Variants in HDAC9 observed in about 807,000 individuals in gnomAD.
The protein encoded by HDAC9 is MEF-2 interacting transcription repressor (MITR) protein.
In HDAC9, 41 loss-of-function variants were observed where a neutral mutation model predicts 139.4. The observed-to-expected ratio is 0.29, with a 90% CI of 0.23 to 0.38. HDAC9 has a LOEUF of 0.38. Ranked by LOEUF, HDAC9 falls within the 10% of genes least tolerant of loss-of-function variation. The pLI is 1.00. For missense variants in HDAC9, 1,147 were observed against 1,297.0 expected, an observed-to-expected ratio of 0.88 and a Z score of 1.78; for synonymous variants, 517 against 476.2, an observed-to-expected ratio of 1.09 and a Z score of -1.12.
intron 2 of HDAC9, among the ~76,000 whole-genome samples, chr7:18,201,408 A>G (rs1279701879): frequency 6.6e-6 from 1 of 152,216 alleles, no homozygotes; most frequent in Non-Finnish European, 1.5e-5. Context: ...AAACAGTGTT[A>G]AATTTTAGAA....
chr7:18,314,824 GCTGT>G (rs1799532106), intron 1 of HDAC9, among the ~76,000 whole-genome samples: 1 of 152,146 alleles, frequency 6.6e-6, no homozygotes, highest in Non-Finnish European at 1.5e-5. Flanking sequence ...TAACTTTGTG[GCTGT>G]CTTTTAAATA....
chr7:18,460,564 A>G (rs1323923929), intron 1 of HDAC9, among the ~76,000 whole-genome samples: 1 of 151,924 alleles, frequency 6.6e-6, no homozygotes, highest in East Asian at 1.9e-4. Context: ...GCGGGTGGAT[A>G]ACCTGAGGTT....
At chr7:18,452,585 C>T (rs889708969) in intron 1 of HDAC9, among the ~76,000 whole-genome samples, 1 of 152,054 alleles carries the variant, frequency 6.6e-6, no homozygotes, top group African/African-American at 2.4e-5. Flanking sequence ...GTGTCCTCAC[C>T]CAAATCTTAC....
chr7:18,185,714 A>T (rs1584521928), intron 2 of HDAC9, among the ~76,000 whole-genome samples: 1 of 152,106 alleles, frequency 6.6e-6, no homozygotes, highest in South Asian at 2.1e-4. Context: ...CTACCTTCAT[A>T]TTGTTCCAAC....
intron 13 of HDAC9, among the ~76,000 whole-genome samples, chr7:18,743,688 CAT>C (rs1439443919): frequency 1.4e-5 from 2 of 147,848 alleles, no homozygotes; most frequent in Non-Finnish European, 3.0e-5. Context: ...TCTCTAAAAA[CAT>C]AAAATAAAAA....
chr7:18,921,269 C>A (rs986758683), intron 22 of HDAC9, among the ~76,000 whole-genome samples: 36 of 152,010 alleles, frequency 2.4e-4, no homozygotes, highest in Admixed American at 2.3e-3. Flanking sequence ...GCACAGCAAA[C>A]GAAACCACCA....
intron 22 of HDAC9, among the ~76,000 whole-genome samples, chr7:18,914,142 C>T (rs1447192832): frequency 4.6e-5 from 7 of 151,694 alleles, no homozygotes; most frequent in Admixed American, 1.3e-4. Flanking sequence ...CATGTGAGGA[C>T]GTGGTGACAA....
At chr7:18,111,205 G>A (rs931624140) in intron 1 of HDAC9, among the ~76,000 whole-genome samples, 1 of 152,194 alleles carries the variant, frequency 6.6e-6, no homozygotes, top group South Asian at 2.1e-4. Context: ...AGTAAGTATA[G>A]AAGAAGGGGA....
chr7:18,548,382 G>T (rs1025807232), intron 2 of HDAC9, among the ~76,000 whole-genome samples: 1 of 152,136 alleles, frequency 6.6e-6, no homozygotes, highest in Non-Finnish European at 1.5e-5. Flanking sequence ...GAGACATAAA[G>T]TGAGCACATG....
chr7:18,359,419 G>C (rs1055202023), intron 1 of HDAC9, among the ~76,000 whole-genome samples: 7 of 152,168 alleles, frequency 4.6e-5, no homozygotes, highest in African/African-American at 1.7e-4. Flanking sequence ...ATTTGCTGTT[G>C]TCCCAAACTA....
intron 12 of HDAC9, among the ~76,000 whole-genome samples, chr7:18,675,441 T>G (rs1285066162): frequency 6.6e-6 from 1 of 152,092 alleles, no homozygotes; most frequent in African/African-American, 2.4e-5. Context: ...ATTGTCAGCT[T>G]TAAATGTGTT....
intron 1 of HDAC9, among the ~76,000 whole-genome samples, chr7:18,423,890 G>GT (rs1789871501): frequency 6.6e-6 from 1 of 152,218 alleles, no homozygotes; most frequent in Non-Finnish European, 1.5e-5. Flanking sequence ...GGACTTCACA[G>GT]TTTTTTGGGA....
In HDAC9 at chr7:18,605,116, C is replaced by G. The variant is rs958649037; in HGVS notation, c.664+11087C>G. Among the ~76,000 whole-genome samples the G allele has an allele frequency of 4.6e-5, 7 of 152,108 alleles. No homozygotes were observed. The South Asian group carries it at 6.2e-4, about 14-fold the overall frequency. On this transcript the variant is annotated intron_variant, in intron 6 of 25. Transcript: ENST00000686413. Reference sequence around the variant, plus strand: ...CAGAGTCTTCAGTTTTCTCTAGTTTCCTTTGATTTTTTTCCTTCTCCTATT... The same window carrying G: ...CAGAGTCTTCAGTTTTCTCTAGTTTGCTTTGATTTTTTTCCTTCTCCTATT...
At chr7:18,932,827 G>A (rs2717355) in intron 22 of HDAC9, among the ~76,000 whole-genome samples, 2 of 85,190 alleles carry the variant, frequency 2.3e-5, no homozygotes, top group African/African-American at 4.6e-5. Flanking sequence ...AAAGAAAGAA[G>A]GAAGGAAGGA....
At chr7:18,392,919 CAAAAAAAAAA>C (rs773532939) in intron 1 of HDAC9, among the ~76,000 whole-genome samples, 3 of 44,536 alleles carry the variant, frequency 6.7e-5, no homozygotes, top group Admixed American at 3.0e-4. Flanking sequence ...CCATGACTGG[CAAAAAAAAAA>C]AAAAAAAAAA....
chr7:18,476,248 A>G (rs1795103857), intron 1 of HDAC9, among the ~76,000 whole-genome samples: 2 of 152,184 alleles, frequency 1.3e-5, no homozygotes, highest in South Asian at 4.1e-4. Flanking sequence ...GTGTGGCATC[A>G]CCTTGACAAA....
chr7:18,749,054 T>G lies in HDAC9; in HGVS notation c.1959T>G (p.Asn653Lys). The G allele has an allele frequency of 6.2e-7, 1 of 1,613,708 alleles. No individual in the cohort carries two copies. Among genetic ancestry groups the G allele is most frequent in the Non-Finnish European group, 8.5e-7 (1 of 1,179,784 alleles). The change falls in exon 14 of 26, where the codon AAT becomes AAG. Residue 653 changes from asparagine (N) to lysine (K), a missense_variant. Physicochemically the swap from Asn to Lys is moderately conservative, Grantham distance 94. Coordinates refer to ENST00000686413, the MANE Select transcript of HDAC9 (RefSeq NM_178425.4). Reference sequence around the variant, plus strand: ...TGAAACACCAGTGCGTTTGTGGCAATTCCACCACCCACCCTGAGCATGCTG... The same window carrying G: ...TGAAACACCAGTGCGTTTGTGGCAAGTCCACCACCCACCCTGAGCATGCTG... ...LMLKHQCVCG[N>K]STTHPEHAGR...
chr7:18,929,278 T>A (rs909238653), intron 22 of HDAC9, among the ~76,000 whole-genome samples: 1 of 152,178 alleles, frequency 6.6e-6, no homozygotes, highest in Non-Finnish European at 1.5e-5. Context: ...AAATTGATAA[T>A]TTGAAACCAT....
intron 25 of HDAC9, among the ~76,000 whole-genome samples, chr7:18,976,418 C>T (rs1312355093): frequency 6.6e-6 from 1 of 152,142 alleles, no homozygotes; most frequent in Admixed American, 6.5e-5. Context: ...CATACACACT[C>T]CTTACGTGGC....
Sources: allele counts gnomAD v4.1 joint callset (sites outside exome capture counted in the v4.1 genomes callset), GRCh38; gene constraint gnomAD v4.1.1; transcripts MANE v1.5; gene names NCBI Gene and HGNC (gene_info 2026-07-23, HGNC 2026-07-21).